The following MAGI1 variants were observed in gnomAD, a reference collection of about 807,000 sequenced individuals.
MAGI1 encodes membrane-associated guanylate kinase, WW and PDZ domain-containing protein 1.
A neutral mutation model predicts 139.9 loss-of-function variants in MAGI1; 58 were observed. The observed-to-expected ratio is 0.41, with a 90% CI of 0.34 to 0.52. The LOEUF is 0.52. Among genes scored for constraint, MAGI1 ranks in the 20% least tolerant of loss-of-function variants. The pLI, the probability that MAGI1 is intolerant of heterozygous loss-of-function variation, is 0.12. For missense variants in MAGI1, 1,874 were observed against 1,901.6 expected (o/e 0.99, Z 0.27); for synonymous variants, 812 against 737.9 (o/e 1.10, Z -1.63).
chr3:65,546,375 C>T (rs769646405), intron 2 of MAGI1, among the ~76,000 whole-genome samples: 2 of 152,200 alleles, frequency 1.3e-5, no homozygotes, highest in Non-Finnish European at 2.9e-5. Context: ...GTACATGCTA[C>T]AATGTACAGT....
At chr3:65,777,025 T>G (rs2038499058) in intron 1 of MAGI1, among the ~76,000 whole-genome samples, 1 of 152,196 alleles carries the variant, frequency 6.6e-6, no homozygotes, top group South Asian at 2.1e-4. Flanking sequence ...GCACAGCACC[T>G]GGAACATAGC....
chr3:65,497,019 A>G (rs896759963), intron 2 of MAGI1, among the ~76,000 whole-genome samples: 1 of 152,068 alleles, frequency 6.6e-6, no homozygotes, highest in Non-Finnish European at 1.5e-5. Context: ...AGGTTTTGGG[A>G]AAAGGGAAAA....
chr3:65,902,262 C>T (rs183526677), intron 1 of MAGI1, among the ~76,000 whole-genome samples: 26 of 152,284 alleles, frequency 1.7e-4, no homozygotes, highest in African/African-American at 6.3e-4. Flanking sequence ...GAATCAGGTT[C>T]CTGAACACTG....
At chr3:65,590,180 C>CA (rs1314585647) in intron 2 of MAGI1, among the ~76,000 whole-genome samples, 1 of 152,166 alleles carries the variant, frequency 6.6e-6, no homozygotes, top group African/African-American at 2.4e-5. Context: ...AGTCTCTGTG[C>CA]TCCCCCAGCA....
At chr3:65,703,046 G>C (rs924284251) in intron 1 of MAGI1, among the ~76,000 whole-genome samples, 4 of 152,016 alleles carry the variant, frequency 2.6e-5, no homozygotes, top group African/African-American at 9.7e-5. Flanking sequence ...CGGGCTTGGA[G>C]AGGCAGCCCA....
At chr3:65,987,394 T>C (rs1207997846) in intron 1 of MAGI1, among the ~76,000 whole-genome samples, 2 of 152,010 alleles carry the variant, frequency 1.3e-5, no homozygotes, top group Non-Finnish European at 2.9e-5. Context: ...ATAACAGACA[T>C]TTGTAAGTCA....
At chr3:65,435,263 G>C (rs1947752680) in intron 10 of MAGI1, among the ~76,000 whole-genome samples, 1 of 151,476 alleles carries the variant, frequency 6.6e-6, no homozygotes, top group Non-Finnish European at 1.5e-5. Context: ...TAAGGAAGAA[G>C]AGAAAAAAAG....
intron 4 of MAGI1, among the ~76,000 whole-genome samples, chr3:65,472,878 A>T (rs1950638065): frequency 6.6e-6 from 1 of 152,232 alleles, no homozygotes; most frequent in Non-Finnish European, 1.5e-5. Flanking sequence ...TAATTTCTTT[A>T]AAAAATAATG....
At chr3:65,391,418 G>T in intron 13 of MAGI1, 60 bp from the exon 14 acceptor site, 1 of 1,423,702 alleles carries the variant, frequency 7.0e-7, no homozygotes, top group Non-Finnish European at 9.8e-7. Context: ...CTCTGAATGG[G>T]TGCTTTCCAC....
At position 65,383,583 on chromosome 3, in the gene MAGI1, T is replaced by G; in HGVS notation, c.2457A>C (p.Lys819Asn). Residue 819 changes from lysine (K) to asparagine (N), a missense_variant, in exon 15 of 23, where the codon AAA (lysine) becomes AAC (asparagine). Around this residue, in one of 5 missense-constraint regions of MAGI1, gnomAD observed 482 missense variants for 509.6 expected, o/e 0.95. Coordinates refer to ENST00000402939, the MANE Select transcript of MAGI1 (RefSeq NM_001033057.2). ...YQEQDIFLWR[K>N]ETGFGFRILG... ...GAATCCTAAATCCAAATCCAGTCTC[T>G]TTTCTCCAGAGGAAGATGTCCTGTT... 6.2e-7 allele frequency: 1 copy of G among 1,613,990 alleles called. No homozygotes were observed. Among genetic ancestry groups the G allele is most frequent in the Non-Finnish European group, 8.5e-7 (1 of 1,179,882 alleles).
intron 1 of MAGI1, among the ~76,000 whole-genome samples, chr3:65,906,433 C>A (rs144179387): frequency 6.6e-6 from 1 of 152,212 alleles, no homozygotes; most frequent in Non-Finnish European, 1.5e-5. Context: ...GGGGAAGATG[C>A]AATGGGTGGG....
intron 1 of MAGI1, among the ~76,000 whole-genome samples, chr3:65,985,217 A>T (rs1470530104): frequency 2.0e-5 from 3 of 152,264 alleles, no homozygotes; most frequent in Non-Finnish European, 2.9e-5. Context: ...GTGTTTCACA[A>T]ACACATGACA....
intron 7 of MAGI1, among the ~76,000 whole-genome samples, chr3:65,444,211 A>G (rs977767659): frequency 1.3e-5 from 2 of 152,214 alleles, no homozygotes; most frequent in Non-Finnish European, 2.9e-5. Context: ...AATGCAAGAC[A>G]GGTCCAATTT....
intron 1 of MAGI1, among the ~76,000 whole-genome samples, chr3:65,950,084 AAAAAAC>A (rs2063746826): frequency 1.3e-5 from 1 of 74,538 alleles, no homozygotes; most frequent in African/African-American, 4.7e-5. Flanking sequence ...AAAACAAAAA[AAAAAAC>A]AAACAAAAAA....
rs187698573 is a variant in MAGI1, at chr3:66,038,404, T to C, written c.-96A>G. 4,198 of 1,462,172 alleles carry C rather than the reference T, an allele frequency of 2.9e-3. 119 individuals are homozygous for C. The African/African-American group carries it at 0.052, about 18-fold the overall frequency. 90.6% of individuals were successfully genotyped at this position (1,462,172 alleles called of 1,614,324 possible). ...CCTCCGCTTGTTCATGGGAGAAACA[T>C]CTCTCCCCAAATCACAAAACAGGAG... On this transcript the variant is annotated 5_prime_UTR_variant, in exon 1 of 23. An upstream start codon of the reference 5' UTR is lost. Coordinates refer to ENST00000402939, the MANE Select transcript of MAGI1 (RefSeq NM_001033057.2).
chr3:65,420,240 C>T lies in MAGI1; in HGVS notation c.2167+9280G>A, dbSNP rs578236658. Among the ~76,000 whole-genome samples the T allele has an allele frequency of 2.7e-4, 41 of 152,218 alleles. No homozygotes were observed. The South Asian group carries it at 8.1e-3, about 30-fold the overall frequency. The stretch of plus-strand genomic sequence containing the variant: ...CCTCCAGTCTCTGACTTCAGCCATC[C>T]CCATCCCCTGCTCCCCTTTCTCCAG... On this transcript the variant is annotated intron_variant, in intron 12 of 22. Coordinates refer to ENST00000402939, the MANE Select transcript of MAGI1 (RefSeq NM_001033057.2).
chr3:65,515,806 C>T (rs1008615421), intron 2 of MAGI1, among the ~76,000 whole-genome samples: 6 of 152,188 alleles, frequency 3.9e-5, no homozygotes, highest in African/African-American at 1.4e-4. Flanking sequence ...TGGTCCAATA[C>T]TTTACAGAGA....
intron 1 of MAGI1, among the ~76,000 whole-genome samples, chr3:65,963,720 C>T (rs2064588383): frequency 6.6e-6 from 1 of 152,200 alleles, no homozygotes; most frequent in African/African-American, 2.4e-5. Context: ...CCTATGCGAA[C>T]TACTTTAACA....
rs114100933 is a variant in MAGI1, at chr3:65,354,365, C to T, written c.*2013G>A. 7.1e-3 allele frequency: 1,085 copies of T among 152,744 alleles called. 10 individuals carry two copies. Among genetic ancestry groups the T allele is most frequent in the African/African-American group, 0.025 (1,045 of 41,570 alleles). 9.5% of individuals were successfully genotyped at this position (152,744 alleles called of 1,614,324 possible). ...GGAACTTGTTTTATAAATGTCCACA[C>T]AACTACAGCTACTCATTCTAATGTT... On this transcript the variant is annotated 3_prime_UTR_variant, in exon 23 of 23. Transcript: ENST00000402939.
Sources: allele counts gnomAD v4.1 joint callset (sites outside exome capture counted in the v4.1 genomes callset), GRCh38; gene constraint gnomAD v4.1.1; regional missense constraint gnomAD v4.1.1; transcripts MANE v1.5; gene names NCBI Gene and HGNC (gene_info 2026-07-23, HGNC 2026-07-21).